The following TRPC5 variants were observed in gnomAD, a reference collection of about 807,000 sequenced individuals.
TRPC5 encodes the protein transient receptor potential cation channel subfamily C member 5.
TRPC5 carries 9 observed loss-of-function variants against 56.5 expected under a neutral mutation model. That is an observed-to-expected ratio of 0.16 (90% CI 0.10 to 0.28). The LOEUF is 0.28. Among genes scored for constraint, TRPC5 ranks in the 10% least tolerant of loss-of-function variants. The pLI, the probability that TRPC5 is intolerant of heterozygous loss-of-function variation, is 1.00. For synonymous variants in TRPC5, 282 were observed against 278.5 expected (o/e 1.01, Z -0.13); for missense variants, 469 against 748.9 (o/e 0.63, Z 4.36).
At chrX:111,963,193 G>A (rs1927440878) in intron 1 of TRPC5, among the ~76,000 whole-genome samples, 1 of 112,554 alleles carries the variant, frequency 8.9e-6, no homozygotes, top group Admixed American at 9.4e-5. Context: ...ACATGGCTCA[G>A]AGGGTCCTAC....
chrX:111,806,319 G>A (rs1362747790), intron 7 of TRPC5, among the ~76,000 whole-genome samples: 1 of 112,339 alleles, frequency 8.9e-6, no homozygotes, highest in Non-Finnish European at 1.9e-5. Flanking sequence ...TCTCTTACAA[G>A]GGTATGGACA....
intron 2 of TRPC5, among the ~76,000 whole-genome samples, chrX:111,948,297 T>G: frequency 8.9e-6 from 1 of 111,736 alleles, no homozygotes; most frequent in Admixed American, 9.5e-5. Flanking sequence ...AATACAGGAC[T>G]GGAAAGACCA....
At chrX:111,848,559 G>T (rs886579923) in intron 5 of TRPC5, among the ~76,000 whole-genome samples, 1 of 112,216 alleles carries the variant, frequency 8.9e-6, no homozygotes, top group African/African-American at 3.2e-5. Context: ...AATTTCTCAG[G>T]ACTAAATGTA....
intron 1 of TRPC5, among the ~76,000 whole-genome samples, chrX:112,030,730 A>ATCCTTTCTAAT (rs1389940413): frequency 8.9e-6 from 1 of 112,033 alleles, no homozygotes; most frequent in East Asian, 2.8e-4. Context: ...TTGTTTAAGT[A>ATCCTTTCTAAT]TCCTTTCTAA....
chrX:112,018,742 G>T (rs1929192538), intron 1 of TRPC5, among the ~76,000 whole-genome samples: 1 of 112,441 alleles, frequency 8.9e-6, no homozygotes, highest in Non-Finnish European at 1.9e-5. Context: ...GGTACAGCAT[G>T]CTTTGATTTT....
chrX:111,772,094 A>AG lies in TRPC5; in HGVS notation c.*4218dup, dbSNP rs1395312562. ...CAAAACCCACATCTGTTGGAAAAAA[A>AG]GTTACTGGAAGGTTCATTGGAAATA... is the stretch of plus-strand genomic sequence containing the variant. On this transcript the variant is annotated 3_prime_UTR_variant, in exon 11 of 11. Coordinates refer to ENST00000262839, the MANE Select transcript of TRPC5 (RefSeq NM_012471.3). 9.0e-6 allele frequency among the ~76,000 whole-genome samples: 1 copy of AG among 111,639 alleles called. No individual in the cohort carries two copies. The highest frequency in any genetic ancestry group is 1.9e-5 in the Non-Finnish European group (1 of 53,135).
At chrX:112,004,438 G>A (rs1928780040) in intron 1 of TRPC5, among the ~76,000 whole-genome samples, 1 of 111,941 alleles carries the variant, frequency 8.9e-6, no homozygotes, top group Non-Finnish European at 1.9e-5. Context: ...CCCAAAGTTT[G>A]CCAAGGGCAG....
intron 1 of TRPC5, among the ~76,000 whole-genome samples, chrX:111,960,309 A>G (rs771478092): frequency 2.7e-5 from 3 of 112,362 alleles, no homozygotes; most frequent in Non-Finnish European, 5.6e-5. Flanking sequence ...CATGGCTATA[A>G]ACACGTGTGA....
intron 3 of TRPC5, chrX:111,901,891 T>C: frequency 8.7e-7 from 1 of 1,152,756 alleles, no homozygotes; most frequent in East Asian, 3.3e-5. Context: ...ATGGACTTGT[T>C]GCTTGTGTAG....
chrX:111,838,772 G>C (rs753231565), intron 6 of TRPC5, among the ~76,000 whole-genome samples: 1 of 111,590 alleles, frequency 9.0e-6, no homozygotes, highest in East Asian at 2.8e-4. Context: ...TCCACAAATA[G>C]ATCACAAAGC....
At position 111,776,610 on chromosome X, in the gene TRPC5, G is replaced by C; in HGVS notation, c.2625C>G (p.His875Gln). The change falls in exon 11 of 11, where the codon CAC becomes CAG. Residue 875 changes from histidine (H) to glutamine (Q), a missense_variant. Physicochemically the swap from His to Gln is conservative, Grantham distance 24. Coordinates refer to ENST00000262839, the MANE Select transcript of TRPC5 (RefSeq NM_012471.3). ...YTISDGIVQQ[H>Q]CMWQDIRYSQ... is the part of the protein sequence containing the mutation. ...AATATCTGATGTCCTGCCACATACA[G>C]TGCTGCTGAACAATTCCATCAGAAA... 8.3e-7 allele frequency: 1 copy of C among 1,211,944 alleles called. No individual in the cohort carries two copies. The highest frequency in any genetic ancestry group is 1.8e-5 in the South Asian group (1 of 56,985).
chrX:111,983,213 G>A (rs747712086), intron 1 of TRPC5, among the ~76,000 whole-genome samples: 1 of 111,626 alleles, frequency 9.0e-6, no homozygotes, highest in Admixed American at 9.5e-5. Flanking sequence ...AGGAGGTATT[G>A]GTCCCTGCTG....
intron 7 of TRPC5, among the ~76,000 whole-genome samples, chrX:111,826,356 G>A (rs1922237037): frequency 8.9e-6 from 1 of 112,202 alleles, no homozygotes; most frequent in Non-Finnish European, 1.9e-5. Context: ...TGTCTGAAAT[G>A]AGATTATCAG....
intron 7 of TRPC5, among the ~76,000 whole-genome samples, chrX:111,811,753 A>G (rs1921717425): frequency 9.0e-6 from 1 of 111,387 alleles, no homozygotes; most frequent in South Asian, 3.8e-4. Context: ...GTAGAAGTCA[A>G]TATAAAATTC....
At chrX:111,949,395 A>G in intron 2 of TRPC5, among the ~76,000 whole-genome samples, 1 of 112,322 alleles carries the variant, frequency 8.9e-6, no homozygotes, top group Non-Finnish European at 1.9e-5. Context: ...AGCAGAGTTA[A>G]CAAACAACCC....
chrX:111,932,351 G>A (rs1045486302), intron 2 of TRPC5, among the ~76,000 whole-genome samples: 13 of 111,739 alleles, frequency 1.2e-4, no homozygotes, highest in Admixed American at 8.5e-4. Flanking sequence ...TGAAATGCAT[G>A]CAGTTTTTTA....
intron 7 of TRPC5, among the ~76,000 whole-genome samples, chrX:111,791,504 G>T (rs764962184): frequency 8.9e-6 from 1 of 112,128 alleles, no homozygotes; most frequent in East Asian, 2.8e-4. Flanking sequence ...ATAATGAAAG[G>T]GGCAGCCATT....
chrX:111,825,816 G>A (rs1446995523), intron 7 of TRPC5, among the ~76,000 whole-genome samples: 1 of 111,474 alleles, frequency 9.0e-6, no homozygotes, highest in African/African-American at 3.3e-5. Context: ...GATGGCTGGC[G>A]GAATTTGGAG....
At chrX:112,078,909 C>T (rs903429124) in intron 1 of TRPC5, among the ~76,000 whole-genome samples, 10 of 111,637 alleles carry the variant, frequency 9.0e-5, no homozygotes, top group African/African-American at 3.3e-4. Flanking sequence ...AAGGATGACA[C>T]TGTGGATATG....
Sources: gnomAD v4.1 joint callset for allele counts (sites outside exome capture counted in the v4.1 genomes callset) on GRCh38, gnomAD v4.1.1 for gene constraint, MANE v1.5 for transcripts, NCBI Gene and HGNC (gene_info 2026-07-23, HGNC 2026-07-21) for gene names.